Variants in AGPAT4 observed in about 807,000 individuals in gnomAD.
The protein encoded by AGPAT4 is 1-acylglycerol-3-phosphate O-acyltransferase 4.
Under a neutral mutation model 48.0 loss-of-function variants are expected in AGPAT4, and 15 were observed. The observed-to-expected ratio is 0.31, with a 90% CI of 0.21 to 0.48. AGPAT4 has a LOEUF of 0.48. Among genes scored for constraint, AGPAT4 ranks in the 20% least tolerant of loss-of-function variants. The pLI is 0.99. For synonymous variants in AGPAT4, 178 were observed against 198.7 expected (o/e 0.90, Z 0.88); for missense variants, 314 against 482.5 (o/e 0.65, Z 3.27).
rs564209583 is a variant in AGPAT4, at chr6:161,146,431, C to A, written c.843+93G>T. 2 of 1,220,128 alleles carry A rather than the reference C, an allele frequency of 1.6e-6. No individual in the cohort carries two copies. The highest frequency in any genetic ancestry group is 3.9e-5 in the Admixed American group (2 of 51,050). 75.6% of individuals were successfully genotyped at this position (1,220,128 alleles called of 1,614,324 possible). A position where few individuals can be genotyped will look rare whatever the true frequency, so the allele number is the denominator to read the frequency against. The stretch of plus-strand genomic sequence containing the variant: ...TAATAACTGGCTCTGTGAGATCTCG[C>A]CCACCGGAGAAAGGCCTGCTACCAC... On this transcript the variant is annotated intron_variant, in intron 7 of 8. Coordinates refer to ENST00000320285, the MANE Select transcript of AGPAT4 (RefSeq NM_020133.3). The surrounding 1 kb of genome is among the most constrained non-coding windows in gnomAD (Gnocchi z 7.1).
At chr6:161,207,588 C>T (rs775122542) in intron 2 of AGPAT4, among the ~76,000 whole-genome samples, 5 of 152,228 alleles carry the variant, frequency 3.3e-5, no homozygotes, top group Non-Finnish European at 5.9e-5. Flanking sequence ...ATCCCTCCAA[C>T]AAGCTCCACT....
In AGPAT4 at chr6:161,246,993, G is replaced by A. The variant is rs923237210; in HGVS notation, c.-89-14691C>T. Among the ~76,000 whole-genome samples, 6 of 152,180 alleles carry A rather than the reference G, an allele frequency of 3.9e-5. No homozygotes were observed. Among genetic ancestry groups the A allele is most frequent in the East Asian group, 1.9e-4 (1 of 5,196 alleles). ...AAGTTATTCTCCCTGCAAAATCCAC[G>A]CAGATGAACCCACAAGATTGCTCTC... On this transcript the variant is annotated intron_variant, in intron 1 of 8. Coordinates refer to ENST00000320285, the MANE Select transcript of AGPAT4 (RefSeq NM_020133.3). The surrounding 1 kb of genome is among the most constrained non-coding windows in gnomAD (Gnocchi z 5.5).
At chr6:161,224,928 C>A (rs1193991823) in intron 2 of AGPAT4, among the ~76,000 whole-genome samples, 2 of 152,188 alleles carry the variant, frequency 1.3e-5, no homozygotes, top group Admixed American at 6.5e-5. Context: ...ATGTTCAATT[C>A]TTTGCCTTCT....
rs770424129 is a variant in AGPAT4 at position 161,180,419 on chromosome 6, G to A, written c.179-14002C>T. Among the ~76,000 whole-genome samples the A allele has an allele frequency of 1.6e-4, 25 of 152,148 alleles. No homozygotes were observed. Among genetic ancestry groups the A allele is most frequent in the Non-Finnish European group, 2.4e-4 (16 of 68,038 alleles). The stretch of plus-strand genomic sequence containing the variant: ...TACACAGTTCACTGTTCAAGCACAC[G>A]CCAACAGTCAGAACCTCCCACAGCT... On this transcript the variant is annotated intron_variant, in intron 2 of 8. Transcript: ENST00000320285. The surrounding 1 kb of genome is among the most constrained non-coding windows in gnomAD (Gnocchi z 6.4).
At chr6:161,167,499 C>CTTT (rs888074293) in intron 2 of AGPAT4, among the ~76,000 whole-genome samples, 4 of 152,322 alleles carry the variant, frequency 2.6e-5, no homozygotes, top group African/African-American at 9.6e-5. Context: ...GCTGGGATTA[C>CTTT]AGGCGTGAGC....
chr6:161,165,531 C>T lies in AGPAT4; in HGVS notation c.348+717G>A, dbSNP rs1242534637. The T allele has an allele frequency of 4.2e-6, 5 of 1,198,490 alleles. No individual in the cohort carries two copies. The Admixed American group carries it at 9.5e-5, about 23-fold the overall frequency. The allele number at this position is 1,198,490 out of a possible 1,614,324, so 74.2% of individuals were successfully genotyped here. The stretch of plus-strand genomic sequence containing the variant: ...TGCAAACTCTTAGGACCTTTCCTAG[C>T]CCCAGACCAATGTACACTGTGTACA... On this transcript the variant is annotated intron_variant, in intron 3 of 8. Transcript: ENST00000320285. The surrounding 1 kb of genome is among the most constrained non-coding windows in gnomAD (Gnocchi z 5.5).
chr6:161,249,426 G>A lies in AGPAT4; in HGVS notation c.-89-17124C>T, dbSNP rs147198951. Among the ~76,000 whole-genome samples, 673 of 152,140 alleles carry A rather than the reference G, an allele frequency of 4.4e-3. 10 individuals are homozygous for A. Among genetic ancestry groups the A allele is most frequent in the East Asian group, 0.033 (170 of 5,172 alleles). ...TTTGCAAACTATGCATCTGACAAAG[G>A]CCTAAAATCCAGCATCCATAAGGAA... is the stretch of plus-strand genomic sequence containing the variant. On this transcript the variant is annotated intron_variant, in intron 1 of 8. Transcript: ENST00000320285. The surrounding 1 kb of genome is among the most constrained non-coding windows in gnomAD (Gnocchi z 6.2).
chr6:161,273,164 T>C (rs1305947197), intron 1 of AGPAT4, among the ~76,000 whole-genome samples: 1 of 152,226 alleles, frequency 6.6e-6, no homozygotes, highest in East Asian at 1.9e-4. Flanking sequence ...AAGAAGTGTT[T>C]AGGTTTTCTA....
Position 161,217,011 on chromosome 6 carries a change from C to T in AGPAT4, c.178+15025G>A, listed in dbSNP as rs1583337837. Among the ~76,000 whole-genome samples, 6 of 152,218 alleles carry T rather than the reference C, an allele frequency of 3.9e-5. No homozygotes were observed. In the South Asian group the frequency reaches 1.2e-3, roughly 31 times the overall value. On this transcript the variant is annotated intron_variant, in intron 2 of 8. Coordinates refer to ENST00000320285, the MANE Select transcript of AGPAT4 (RefSeq NM_020133.3). This position sits in a 1 kb window ranked among gnomAD's most constrained non-coding sequence, Gnocchi z 4.9. ...ATTCACCTTTGCTCACCTGCTGATG[C>T]GGTTCTCATGTTACACGTGTTCTTC...
chr6:161,269,081 C>T (rs573801552), intron 1 of AGPAT4, among the ~76,000 whole-genome samples: 13 of 152,132 alleles, frequency 8.5e-5, no homozygotes, highest in Non-Finnish European at 1.5e-4. Context: ...TGTAATTGGA[C>T]GCAGGTAGTT....
At chr6:161,174,920 T>C (rs1308242389) in intron 2 of AGPAT4, among the ~76,000 whole-genome samples, 1 of 152,226 alleles carries the variant, frequency 6.6e-6, no homozygotes, top group Non-Finnish European at 1.5e-5. Context: ...GGTTTTTGTC[T>C]TTGGTTCTGT....
chr6:161,175,922 T>A (rs1780415536), intron 2 of AGPAT4, among the ~76,000 whole-genome samples: 1 of 152,228 alleles, frequency 6.6e-6, no homozygotes, highest in South Asian at 2.1e-4. Context: ...AGCCAGTTGT[T>A]CAGTTTCCAT....
chr6:161,170,471 G>GCACACACACACACACACA (rs1216836382), intron 2 of AGPAT4, among the ~76,000 whole-genome samples: 1 of 113,808 alleles, frequency 8.8e-6, no homozygotes, highest in East Asian at 2.2e-4. Context: ...ACGTGCGCGC[G>GCACACACACACACACACA]CGCACACACA....
rs1401747189 is a variant in AGPAT4, at chr6:161,270,274, C to G, written c.-90+3664G>C. ...CCTCTTTCCTACAGCCTGGCAGCCA[C>G]TGCAGACCTTCCCAAGCCCATGCAT... is the stretch of plus-strand genomic sequence containing the variant. On this transcript the variant is annotated intron_variant, in intron 1 of 8. Coordinates refer to ENST00000320285, the MANE Select transcript of AGPAT4 (RefSeq NM_020133.3). This position sits in a 1 kb window ranked among gnomAD's most constrained non-coding sequence, Gnocchi z 5.3. Among the ~76,000 whole-genome samples the G allele has an allele frequency of 6.6e-6, 1 of 152,220 alleles. No homozygotes were observed. The highest frequency in any genetic ancestry group is 1.5e-5 in the Non-Finnish European group (1 of 68,036).
At position 161,145,744 on chromosome 6, in the gene AGPAT4, C is replaced by T. The variant is rs1208392550; in HGVS notation, c.843+780G>A. 4.6e-5 allele frequency among the ~76,000 whole-genome samples: 7 copies of T among 151,534 alleles called. 1 individual carries two copies. Among genetic ancestry groups the T allele is most frequent in the African/African-American group, 1.5e-4 (6 of 40,866 alleles). ...AAAACAGAACCCATGAGAGCCAGCC[C>T]GCATTTATGGAGTTTGAGGAAAAGG... On this transcript the variant is annotated intron_variant, in intron 7 of 8. Coordinates refer to ENST00000320285, the MANE Select transcript of AGPAT4 (RefSeq NM_020133.3).
In AGPAT4 at chr6:161,166,506, GGGGA is replaced by G; in HGVS notation, c.179-93_179-90del. ...GAGCAGGGCTCTGCCCTCCCAGCTA[GGGGA>G]GAAAGCAACTTCTACGGGCAAAGTT... On this transcript the variant is annotated intron_variant, in intron 2 of 8. Coordinates refer to ENST00000320285, the MANE Select transcript of AGPAT4 (RefSeq NM_020133.3). This position sits in a 1 kb window ranked among gnomAD's most constrained non-coding sequence, Gnocchi z 6.7. The G allele has an allele frequency of 6.9e-7, 1 of 1,458,966 alleles. No individual in the cohort carries two copies. Among genetic ancestry groups the G allele is most frequent in the African/African-American group, 1.4e-5 (1 of 70,310 alleles). The allele number at this position is 1,458,966 out of a possible 1,614,324, so 90.4% of individuals were successfully genotyped here. A position where few individuals can be genotyped will look rare whatever the true frequency, so the allele number is the denominator to read the frequency against.
At position 161,231,508 on chromosome 6, in the gene AGPAT4, G is replaced by C. The variant is rs1782120946; in HGVS notation, c.178+528C>G. 6.6e-6 allele frequency among the ~76,000 whole-genome samples: 1 copy of C among 152,152 alleles called. No individual in the cohort carries two copies. Among genetic ancestry groups the C allele is most frequent in the South Asian group, 2.1e-4 (1 of 4,832 alleles). On this transcript the variant is annotated intron_variant, in intron 2 of 8. Coordinates refer to ENST00000320285, the MANE Select transcript of AGPAT4 (RefSeq NM_020133.3). The surrounding 1 kb of genome is among the most constrained non-coding windows in gnomAD (Gnocchi z 5.3). Reference sequence around the variant, plus strand: ...GCTACCATAGGGAGAAACTGGCCAAGGAGTGTACAGAATTTCTCAGTATTA... The same window carrying C: ...GCTACCATAGGGAGAAACTGGCCAACGAGTGTACAGAATTTCTCAGTATTA...
At chr6:161,257,702 A>G (rs550877910) in intron 1 of AGPAT4, among the ~76,000 whole-genome samples, 28 of 152,326 alleles carry the variant, frequency 1.8e-4, no homozygotes, top group African/African-American at 6.7e-4. Flanking sequence ...AATTTTCTTC[A>G]TGGAAATTAA....
chr6:161,263,613 T>G (rs71565800), intron 1 of AGPAT4, among the ~76,000 whole-genome samples: 23,524 of 152,170 alleles, frequency 0.15, 1,982 homozygotes, highest in Non-Finnish European at 0.18. Context: ...TTAAAAGAAT[T>G]AGGCACATTT....
Sources: gnomAD v4.1 joint callset for allele counts (sites outside exome capture counted in the v4.1 genomes callset) on GRCh38, gnomAD v4.1.1 for gene constraint, Gnocchi (gnomAD v3.1) non-coding constraint, MANE v1.5 for transcripts, NCBI Gene and HGNC (gene_info 2026-07-23, HGNC 2026-07-21) for gene names.